Variants in BDKRB2 observed in about 807,000 individuals in gnomAD.
BDKRB2 encodes B2 bradykinin receptor.
BDKRB2 carries 6 observed loss-of-function variants against 4.0 expected under a neutral mutation model. The ratio of observed to expected loss-of-function variants is 1.49; its 90% CI spans 0.81 to 2.93. The LOEUF (loss-of-function observed/expected upper bound fraction) is 2.93, where lower values mean the gene tolerates loss of function less well. BDKRB2 is among the 30% of genes most tolerant of loss of function. BDKRB2 has a pLI of 0.00. For synonymous variants in BDKRB2, 225 were observed against 215.3 expected (o/e 1.05, Z -0.40); for missense variants, 478 against 520.1 (o/e 0.92, Z 0.79).
Position 96,208,434 on chromosome 14 carries a change from G to A in BDKRB2, c.-40+3475G>A, listed in dbSNP as rs139348722. On this transcript the variant is annotated intron_variant, in intron 1 of 2. Coordinates refer to ENST00000554311, the MANE Select transcript of BDKRB2 (RefSeq NM_001379692.1). Reference sequence around the variant, plus strand: ...AAACAGCTCTCGGTTCGAATTCACCGTCACTTACTGGCCAGGAAAGTTATC... The same window carrying A: ...AAACAGCTCTCGGTTCGAATTCACCATCACTTACTGGCCAGGAAAGTTATC... Among the ~76,000 whole-genome samples the A allele has an allele frequency of 1.5e-3, 230 of 152,264 alleles. 2 individuals carry two copies. Among genetic ancestry groups the A allele is most frequent in the African/African-American group, 5.1e-3 (211 of 41,570 alleles).
At chr14:96,206,202 G>C (rs200382904) in intron 1 of BDKRB2, among the ~76,000 whole-genome samples, 7 of 152,354 alleles carry the variant, frequency 4.6e-5, no homozygotes, top group Middle Eastern at 3.4e-3. Context: ...AGCATTTGCT[G>C]TTTCCCCTGC....
intron 2 of BDKRB2, 188 bp from the exon 3 acceptor site, chr14:96,240,215 G>C (rs1885236842): frequency 7.7e-7 from 1 of 1,303,056 alleles, no homozygotes; most frequent in Non-Finnish European, 9.7e-7. Flanking sequence ...CCAAGGATCA[G>C]AGGGGGCTCT....
intron 1 of BDKRB2, among the ~76,000 whole-genome samples, chr14:96,226,786 G>A (rs961439896): frequency 6.6e-6 from 1 of 152,232 alleles, no homozygotes; most frequent in Admixed American, 6.5e-5. Flanking sequence ...TGTAGCATGA[G>A]GGATTCTGAT....
At chr14:96,213,563 C>T (rs1048088446) in intron 1 of BDKRB2, among the ~76,000 whole-genome samples, 1 of 151,834 alleles carries the variant, frequency 6.6e-6, no homozygotes, top group Non-Finnish European at 1.5e-5. Flanking sequence ...TTCTTTGCTG[C>T]CTGCATGTCC....
rs200885259 is a variant in BDKRB2 at position 96,204,893 on chromosome 14, G to A, written c.-106G>A. The stretch of plus-strand genomic sequence containing the variant: ...AGGGGTGGGGACGGTGGGGACGGTG[G>A]GGACATCAGGCTGCCCCGCAGTACC... On this transcript the variant is annotated 5_prime_UTR_variant, in exon 1 of 3. Transcript: ENST00000554311. The A allele has an allele frequency of 2.4e-5, 8 of 337,784 alleles. No individual in the cohort carries two copies. The highest frequency in any genetic ancestry group is 4.7e-5 in the Non-Finnish European group (8 of 169,372). The allele number at this position is 337,784 out of a possible 1,614,324, so 20.9% of individuals were successfully genotyped here. A position where few individuals can be genotyped will look rare whatever the true frequency, so the allele number is the denominator to read the frequency against.
rs13306219 is a variant in BDKRB2 at position 96,204,969 on chromosome 14, G to C, written c.-40+10G>C. ...GCTTGCTCCGGAGAAGGTGGGTGCCGGGCAGGGGCTGCTCCAGCCGCCTCA... is the reference window on the plus strand; with the variant it reads ...GCTTGCTCCGGAGAAGGTGGGTGCCCGGCAGGGGCTGCTCCAGCCGCCTCA... On this transcript the variant is annotated intron_variant, in intron 1 of 2. Coordinates refer to ENST00000554311, the MANE Select transcript of BDKRB2 (RefSeq NM_001379692.1). 125 of 215,648 alleles carry C rather than the reference G, an allele frequency of 5.8e-4. No homozygotes were observed. Among genetic ancestry groups the C allele is most frequent in the African/African-American group, 2.8e-3 (118 of 42,174 alleles). 13.4% of individuals were successfully genotyped at this position (215,648 alleles called of 1,614,324 possible). A position where few individuals can be genotyped will look rare whatever the true frequency, so the allele number is the denominator to read the frequency against.
At chr14:96,222,430 C>T (rs8012552) in intron 1 of BDKRB2, among the ~76,000 whole-genome samples, 81,565 of 151,738 alleles carry the variant, frequency 0.54, 22,251 homozygotes, top group Non-Finnish European at 0.59. Context: ...TGTATCATGG[C>T]CTGGTCATTC....
Position 96,240,601 on chromosome 14 carries a change from G to A in BDKRB2, c.273G>A (p.Val91=). ...GCCTGCACAAGAGCAGCTGCACGGT[G>A]GCAGAGATCTACCTGGGGAACCTGG... ...VFCLHKSSCT[V]AEIYLGNLAA... is the part of the protein sequence containing the mutation. Residue 91 remains valine, a synonymous_variant, in exon 3 of 3, where the codon GTG becomes GTA. Coordinates refer to ENST00000554311, the MANE Select transcript of BDKRB2 (RefSeq NM_001379692.1). 6.5e-7 allele frequency: 1 copy of A among 1,550,368 alleles called. No individual in the cohort carries two copies. Among genetic ancestry groups the A allele is most frequent in the Non-Finnish European group, 8.7e-7 (1 of 1,150,304 alleles).
chr14:96,238,594 C>G (rs763380028), intron 2 of BDKRB2: 17 of 985,610 alleles, frequency 1.7e-5, no homozygotes, highest in Non-Finnish European at 2.0e-5. Context: ...CACTCAACCT[C>G]TTGCTACTTC....
intron 1 of BDKRB2, among the ~76,000 whole-genome samples, chr14:96,213,648 C>T (rs1890354409): frequency 6.6e-6 from 1 of 152,120 alleles, no homozygotes; most frequent in Admixed American, 6.5e-5. Context: ...GGACCTAGAC[C>T]TAGGTAAAGT....
intron 1 of BDKRB2, among the ~76,000 whole-genome samples, chr14:96,230,933 A>ATT (rs537979256): frequency 2.7e-5 from 4 of 149,608 alleles, no homozygotes; most frequent in African/African-American, 7.4e-5. Context: ...TTATTTATTT[A>ATT]TTTTTTTTTT....
rs552542993 is a variant in BDKRB2 at position 96,230,914 on chromosome 14, C to T, written c.-39-6155C>T. 2.0e-5 allele frequency among the ~76,000 whole-genome samples: 3 copies of T among 152,048 alleles called. No individual in the cohort carries two copies. In the South Asian group the frequency reaches 6.2e-4, roughly 32 times the overall value. On this transcript the variant is annotated intron_variant, in intron 1 of 2. Coordinates refer to ENST00000554311, the MANE Select transcript of BDKRB2 (RefSeq NM_001379692.1). ...TACAGGCGTGAGCCACAGCACCCAG[C>T]CTAGTTATTTATTTATTTATTTTTT...
At chr14:96,225,860 G>A (rs1890683618) in intron 1 of BDKRB2, among the ~76,000 whole-genome samples, 1 of 152,142 alleles carries the variant, frequency 6.6e-6, no homozygotes, top group Admixed American at 6.5e-5. Flanking sequence ...CGTGGTGGAG[G>A]AGCAGGGCCA....
At chr14:96,217,468 T>C (rs8005195) in intron 1 of BDKRB2, among the ~76,000 whole-genome samples, 44,674 of 152,188 alleles carry the variant, frequency 0.29, 6,683 homozygotes, top group South Asian at 0.44. Context: ...CTCAAAGGCA[T>C]ATTGTTGAGT....
At chr14:96,238,143 C>T (rs925660780) in intron 2 of BDKRB2, 1 of 956,362 alleles carries the variant, frequency 1.0e-6, no homozygotes, top group African/African-American at 1.8e-5. Flanking sequence ...ATGTCTGGGG[C>T]CTTGGTTGGA....
At chr14:96,214,163 GT>G (rs1315730598) in intron 1 of BDKRB2, among the ~76,000 whole-genome samples, 1 of 152,160 alleles carries the variant, frequency 6.6e-6, no homozygotes, top group Non-Finnish European at 1.5e-5. Flanking sequence ...CTGCCCTCCA[GT>G]CCCCGCCAGT....
intron 1 of BDKRB2, among the ~76,000 whole-genome samples, chr14:96,229,426 G>T (rs182537893): frequency 2.0e-5 from 3 of 152,098 alleles, no homozygotes; most frequent in East Asian, 1.9e-4. Flanking sequence ...GCTCCTGCCC[G>T]CAAGCTGAAT....
intron 1 of BDKRB2, among the ~76,000 whole-genome samples, chr14:96,210,012 T>TC (rs1291503290): frequency 2.2e-4 from 31 of 142,748 alleles, no homozygotes; most frequent in African/African-American, 8.6e-4. Context: ...ATAATAATAA[T>TC]AATAATCATC....
rs975439303 is a variant in BDKRB2, at chr14:96,241,730, A to G, written c.*226A>G. On this transcript the variant is annotated 3_prime_UTR_variant, in exon 3 of 3. Transcript: ENST00000554311. Reference sequence around the variant, plus strand: ...CACAGCCAAGGACTCCAAAATCACAACAGCATTACTGTTCTTATTTGCTGC... The same window carrying G: ...CACAGCCAAGGACTCCAAAATCACAGCAGCATTACTGTTCTTATTTGCTGC... 3 of 577,292 alleles carry G rather than the reference A, an allele frequency of 5.2e-6. No individual in the cohort carries two copies. The African/African-American group carries it at 5.7e-5, about 11-fold the overall frequency. The allele number at this position is 577,292 out of a possible 1,614,324, so 35.8% of individuals were successfully genotyped here.
Sources: allele counts gnomAD v4.1 joint callset (sites outside exome capture counted in the v4.1 genomes callset), GRCh38; gene constraint gnomAD v4.1.1; transcripts MANE v1.5; gene names NCBI Gene and HGNC (gene_info 2026-07-23, HGNC 2026-07-21).